USP10: variants seen among roughly 807,000 people sequenced by gnomAD.
The protein encoded by USP10 is ubiquitin carboxyl-terminal hydrolase 10.
In USP10, 22 loss-of-function variants were observed where a neutral mutation model predicts 84.5. The ratio of observed to expected loss-of-function variants is 0.26; its 90% CI spans 0.19 to 0.37. The LOEUF is 0.37. Ranked by LOEUF, USP10 falls within the 10% of genes least tolerant of loss-of-function variation. The probability of loss-of-function intolerance (pLI) is 1.00; values close to 1 mark genes in which losing one functional copy is unlikely to be tolerated. For missense variants in USP10, 1,019 were observed against 998.9 expected (o/e 1.02, Z -0.27); for synonymous variants, 454 against 387.6 (o/e 1.17, Z -2.01).
Position 84,733,509 on chromosome 16 carries a change from A to C in USP10, c.90+6A>C, listed in dbSNP as rs1283137780. 6.2e-7 allele frequency: 1 copy of C among 1,606,822 alleles called. No individual in the cohort carries two copies. The highest frequency in any genetic ancestry group is 2.2e-5 in the East Asian group (1 of 44,694). On this transcript the variant is annotated splice_donor_region_variant and intron_variant, in intron 2 of 13. Coordinates refer to ENST00000219473, the MANE Select transcript of USP10 (RefSeq NM_005153.3). ...CTCCTCGATCTTCAGTTGAGGTAAGACAAAACTTTGTTTTAGTGAGTCCGT... is the reference window on the plus strand; with the variant it reads ...CTCCTCGATCTTCAGTTGAGGTAAGCCAAAACTTTGTTTTAGTGAGTCCGT...
rs1904660383 is a variant in USP10, at chr16:84,700,224, G to A, written c.21+113G>A. Reference sequence around the variant, plus strand: ...GGAGCGAGCGTGTGGGAGTGGGGGAGGGCGCTGGGACACGCTGCCCGGGCC... The same window carrying A: ...GGAGCGAGCGTGTGGGAGTGGGGGAAGGCGCTGGGACACGCTGCCCGGGCC... On this transcript the variant is annotated intron_variant, in intron 1 of 13. Coordinates refer to ENST00000219473, the MANE Select transcript of USP10 (RefSeq NM_005153.3). 3 of 882,594 alleles carry A rather than the reference G, an allele frequency of 3.4e-6. No homozygotes were observed. In the East Asian group the frequency reaches 1.7e-4, roughly 51 times the overall value. The allele number at this position is 882,594 out of a possible 1,614,324, so 54.7% of individuals were successfully genotyped here.
At chr16:84,725,740 C>T (rs965835669) in intron 1 of USP10, among the ~76,000 whole-genome samples, 16 of 152,262 alleles carry the variant, frequency 1.1e-4, no homozygotes, top group African/African-American at 3.6e-4. Flanking sequence ...TTTCTTAATC[C>T]TTTTTAGATC....
chr16:84,765,874 C>A (rs1005705180), intron 10 of USP10, among the ~76,000 whole-genome samples: 2 of 152,166 alleles, frequency 1.3e-5, no homozygotes, highest in Non-Finnish European at 2.9e-5. Flanking sequence ...AAAGGTTTTT[C>A]TTTATTTACC....
chr16:84,727,188 T>C (rs1908607581), intron 1 of USP10, among the ~76,000 whole-genome samples: 2 of 152,356 alleles, frequency 1.3e-5, no homozygotes, highest in South Asian at 2.1e-4. Context: ...GTGAACTGAA[T>C]TGTTCTGTAT....
intron 4 of USP10, among the ~76,000 whole-genome samples, chr16:84,755,795 CAAAA>C (rs34780846): frequency 4.3e-5 from 6 of 138,656 alleles, no homozygotes; most frequent in Admixed American, 7.1e-5. Context: ...GAGACTGTCT[CAAAA>C]AAAAAAAAAA....
intron 1 of USP10, among the ~76,000 whole-genome samples, chr16:84,724,354 A>G (rs1337197238): frequency 6.6e-6 from 1 of 152,218 alleles, no homozygotes; most frequent in Non-Finnish European, 1.5e-5. Context: ...GAAAGCACTT[A>G]ATATACAGCC....
chr16:84,757,393 AGGGGT>A (rs373768584), intron 4 of USP10, among the ~76,000 whole-genome samples: 10 of 96,226 alleles, frequency 1.0e-4, no homozygotes, highest in East Asian at 9.7e-4. Context: ...AGGGAATGAG[AGGGGT>A]GGGGGTGTGT....
At chr16:84,733,537 G>A (rs756797468) in intron 2 of USP10, 34 bp downstream of exon 2, 8 of 1,428,686 alleles carry the variant, frequency 5.6e-6, no homozygotes, top group South Asian at 1.2e-5. Context: ...GAGTCCGTGG[G>A]TAGATACAAT....
At position 84,745,440 on chromosome 16, in the gene USP10, C is replaced by T. The variant is rs747929630; in HGVS notation, c.959C>T (p.Ala320Val). Reference sequence around the variant, plus strand: ...TTGGACCCAACCAAACCCGAGAGTGCATCACCTCCTGCTGACGGCACGGGC... The same window carrying T: ...TTGGACCCAACCAAACCCGAGAGTGTATCACCTCCTGCTGACGGCACGGGC... Reference protein sequence around the residue: ...IDLDPTKPESASPPADGTGSA... With the variant: ...IDLDPTKPESVSPPADGTGSA... The change falls in exon 4 of 14, where the codon GCA (alanine) becomes GTA (valine). Residue 320 changes from alanine (A) to valine (V), a missense_variant. This residue lies in a region of USP10 where 787 missense variants were observed against 708.8 expected (regional missense o/e 1.11). Coordinates refer to ENST00000219473, the MANE Select transcript of USP10 (RefSeq NM_005153.3). 3.7e-6 allele frequency: 6 copies of T among 1,613,666 alleles called. No homozygotes were observed. Among genetic ancestry groups the T allele is most frequent in the Non-Finnish European group, 5.1e-6 (6 of 1,179,714 alleles).
At chr16:84,748,253 G>T (rs1172431020) in intron 4 of USP10, among the ~76,000 whole-genome samples, 3 of 151,908 alleles carry the variant, frequency 2.0e-5, no homozygotes, top group African/African-American at 4.8e-5. Context: ...AATGCATGGT[G>T]GGGTCCTGTT....
At chr16:84,723,149 T>C (rs1178353260) in intron 1 of USP10, among the ~76,000 whole-genome samples, 1 of 138,930 alleles carries the variant, frequency 7.2e-6, no homozygotes, top group East Asian at 3.2e-4. Flanking sequence ...ATCCAGGGTT[T>C]TTTTTTTTTT....
rs775422973 is a variant in USP10, at chr16:84,745,313, A to G, written c.832A>G (p.Thr278Ala). ...GGCTCAGCCCTGCGTTGGTACCGAT[A>G]CTACTGAAAACCTTGGAGTTGCTAA... ...AGAQPCVGTD[T>A]TENLGVANGQ... The change falls in exon 4 of 14, where the codon ACT becomes GCT. Residue 278 changes from threonine (T) to alanine (A), a missense_variant. Transcript: ENST00000219473. The G allele has an allele frequency of 9.3e-6, 15 of 1,612,932 alleles. No homozygotes were observed. Among genetic ancestry groups the G allele is most frequent in the Non-Finnish European group, 1.1e-5 (13 of 1,179,722 alleles).
chr16:84,726,386 A>C (rs1908481806), intron 1 of USP10, among the ~76,000 whole-genome samples: 1 of 152,144 alleles, frequency 6.6e-6, no homozygotes, highest in Non-Finnish European at 1.5e-5. Context: ...TTTATTGCTG[A>C]GGGCAAGGTC....
At chr16:84,762,221 T>A (rs1913289594) in intron 8 of USP10, among the ~76,000 whole-genome samples, 2 of 152,214 alleles carry the variant, frequency 1.3e-5, no homozygotes, top group African/African-American at 4.8e-5. Flanking sequence ...TTGAGTTCTT[T>A]CCCATGTAGT....
chr16:84,756,400 C>G (rs573591256), intron 4 of USP10, among the ~76,000 whole-genome samples: 7 of 152,322 alleles, frequency 4.6e-5, no homozygotes, highest in African/African-American at 1.4e-4. Context: ...CAAGACCAGC[C>G]TGGCCAACAT....
intron 10 of USP10, 134 bp downstream of exon 10, chr16:84,764,397 T>C (rs35893650): frequency 0.2 from 244,118 of 1,205,122 alleles, 26,838 homozygotes; most frequent in East Asian, 0.32. Context: ...CTGCCTGCTC[T>C]TCTCTTGCAC....
chr16:84,715,145 G>C (rs1012187703), intron 1 of USP10, among the ~76,000 whole-genome samples: 1 of 152,020 alleles, frequency 6.6e-6, no homozygotes, highest in African/African-American at 2.4e-5. Context: ...GGCCGGTCTG[G>C]TCTCGACCTC....
chr16:84,740,382 T>C lies in USP10; in HGVS notation c.151+13T>C. On this transcript the variant is annotated intron_variant, in intron 3 of 13. Transcript: ENST00000219473. ...AAACTACCTGATGGTAAGCTAGTTC[T>C]CTCCTTATTTCCCTGAAGGGAATTT... is the stretch of plus-strand genomic sequence containing the variant. 1 of 1,609,698 alleles carries C rather than the reference T, an allele frequency of 6.2e-7. No homozygotes were observed. The highest frequency in any genetic ancestry group is 8.5e-7 in the Non-Finnish European group (1 of 1,176,998).
intron 1 of USP10, among the ~76,000 whole-genome samples, chr16:84,703,726 C>CAAA (rs1905159462): frequency 1.3e-5 from 2 of 152,116 alleles, no homozygotes; most frequent in African/African-American, 4.8e-5. Context: ...CCAGTGGTCA[C>CAAA]CTTAGTGGTT....
Sources: allele counts gnomAD v4.1 joint callset (sites outside exome capture counted in the v4.1 genomes callset), GRCh38; gene constraint gnomAD v4.1.1; regional missense constraint gnomAD v4.1.1; transcripts MANE v1.5; gene names NCBI Gene and HGNC (gene_info 2026-07-23, HGNC 2026-07-21).